ZSCAN5A: variants seen among roughly 807,000 people sequenced by gnomAD.
ZSCAN5A encodes the protein zinc finger and SCAN domain-containing protein 5A.
A neutral mutation model predicts 23.7 loss-of-function variants in ZSCAN5A; 12 were observed. The observed-to-expected ratio is 0.51, with a 90% CI of 0.32 to 0.82. ZSCAN5A has a LOEUF of 0.82. Ranked by LOEUF, ZSCAN5A falls within the 40% of genes least tolerant of loss-of-function variation. The probability of loss-of-function intolerance (pLI) is 0.03; values close to 1 mark genes in which losing one functional copy is unlikely to be tolerated. For missense variants in ZSCAN5A, 597 were observed against 617.9 expected (o/e 0.97, Z 0.36); for synonymous variants, 257 against 239.9 (o/e 1.07, Z -0.66).
chr19:56,259,707 C>A (rs1020497143), intron 2 of ZSCAN5A, among the ~76,000 whole-genome samples: 2 of 152,252 alleles, frequency 1.3e-5, no homozygotes, highest in Non-Finnish European at 2.9e-5. Context: ...GGCACGGTGG[C>A]CCACGCCTGT....
intron 2 of ZSCAN5A, among the ~76,000 whole-genome samples, chr19:56,293,092 A>G (rs1568709322): frequency 6.6e-6 from 1 of 151,770 alleles, no homozygotes; most frequent in African/African-American, 2.4e-5. Context: ...CCACCTCCAA[A>G]CCCCACTTCT....
chr19:56,224,988 A>G lies in ZSCAN5A; in HGVS notation c.59T>C (p.Leu20Ser), dbSNP rs781673650. 9 of 1,613,936 alleles carry G rather than the reference A, an allele frequency of 5.6e-6. No individual in the cohort carries two copies. The highest frequency in any genetic ancestry group is 4.4e-5 in the South Asian group (4 of 91,064). ...GGATGCCATAGACCGTGGCAGCTCC[A>G]ACCCAGGTCTGTTGCAGGATTCTCC... ...SLGESCNRPG[L>S]ELPRSMASSE... Residue 20 changes from leucine to serine, a missense_variant, in exon 3 of 6, where the codon TTG becomes TCG. Leu to Ser is a moderately radical substitution (Grantham distance 145). This residue lies in a region of ZSCAN5A where 72 missense variants were observed against 76.8 expected (regional missense o/e 0.94). Transcript: ENST00000683990.
At chr19:56,364,570 A>G (rs1388083205) in intron 1 of ZSCAN5A, among the ~76,000 whole-genome samples, 1 of 152,208 alleles carries the variant, frequency 6.6e-6, no homozygotes, top group African/African-American at 2.4e-5. Context: ...TTAAACACAC[A>G]ACTATCCCAT....
At chr19:56,246,743 G>C in intron 2 of ZSCAN5A, 1 of 1,435,500 alleles carries the variant, frequency 7.0e-7, no homozygotes, top group Non-Finnish European at 9.8e-7. Flanking sequence ...GGTGTGGTGG[G>C]AGCAAAGGAG....
chr19:56,243,811 C>A (rs1233723280), intron 2 of ZSCAN5A, among the ~76,000 whole-genome samples: 1 of 151,926 alleles, frequency 6.6e-6, no homozygotes, highest in Admixed American at 6.6e-5. Context: ...TTCCACTGTG[C>A]TGAATTCGAT....
chr19:56,294,854 T>G (rs1262448659), intron 2 of ZSCAN5A, among the ~76,000 whole-genome samples: 1 of 152,204 alleles, frequency 6.6e-6, no homozygotes, highest in East Asian at 1.9e-4. Flanking sequence ...GAAAACACAG[T>G]GCTCAGTCAA....
At chr19:56,331,833 G>A (rs138655277) in intron 2 of ZSCAN5A, among the ~76,000 whole-genome samples, 13 of 151,952 alleles carry the variant, frequency 8.6e-5, no homozygotes, top group African/African-American at 1.9e-4. Flanking sequence ...TGGTCCACCC[G>A]CCTCGGCCTC....
chr19:56,298,978 C>T (rs187547136), intron 2 of ZSCAN5A, among the ~76,000 whole-genome samples: 9 of 152,266 alleles, frequency 5.9e-5, no homozygotes, highest in Admixed American at 4.6e-4. Flanking sequence ...ACATGTTAAA[C>T]AATCATGACT....
intron 2 of ZSCAN5A, among the ~76,000 whole-genome samples, chr19:56,230,922 T>G (rs1274854796): frequency 6.6e-6 from 1 of 152,220 alleles, no homozygotes; most frequent in Non-Finnish European, 1.5e-5. Flanking sequence ...GAATATCTCA[T>G]GTCGTTTATT....
chr19:56,270,612 T>C (rs1252916300), intron 2 of ZSCAN5A, among the ~76,000 whole-genome samples: 1 of 152,228 alleles, frequency 6.6e-6, no homozygotes, highest in Non-Finnish European at 1.5e-5. Flanking sequence ...GTAAAATTCC[T>C]CATTTTAGCT....
At chr19:56,274,774 G>C (rs1280816806) in intron 2 of ZSCAN5A, 1 of 151,660 alleles carries the variant, frequency 6.6e-6, no homozygotes, top group Admixed American at 6.6e-5. Flanking sequence ...TTTTTGTTTT[G>C]TTTTGTTTTG....
At chr19:56,304,294 G>A (rs1243480092) in intron 2 of ZSCAN5A, among the ~76,000 whole-genome samples, 1 of 152,222 alleles carries the variant, frequency 6.6e-6, no homozygotes, top group Non-Finnish European at 1.5e-5. Flanking sequence ...AGACCAGGGA[G>A]ATGAGCCTGA....
intron 2 of ZSCAN5A, chr19:56,338,624 A>T (rs576702645): frequency 6.6e-6 from 1 of 152,348 alleles, no homozygotes; most frequent in South Asian, 2.1e-4. Flanking sequence ...ACAGTGATAG[A>T]GCCCCCATTA....
intron 2 of ZSCAN5A, among the ~76,000 whole-genome samples, chr19:56,327,542 A>T (rs1329920666): frequency 6.6e-6 from 1 of 150,924 alleles, no homozygotes; most frequent in Non-Finnish European, 1.5e-5. Context: ...ATTGAATATA[A>T]ATATGCACAT....
chr19:56,302,960 C>T (rs540464635), intron 2 of ZSCAN5A: 49 of 398,082 alleles, frequency 1.2e-4, no homozygotes, highest in African/African-American at 8.6e-4. Context: ...ACCAGATCAC[C>T]GAGTGGTAGC....
At chr19:56,222,436 CT>C (rs2033355277) in intron 5 of ZSCAN5A, 110 bp from the exon 6 acceptor site, 1 of 1,562,416 alleles carries the variant, frequency 6.4e-7, no homozygotes, top group African/African-American at 1.4e-5. Flanking sequence ...AAGCTCAAGC[CT>C]AAGACATTGG....
intron 2 of ZSCAN5A, chr19:56,297,549 T>C (rs2039960537): frequency 1.0e-6 from 1 of 983,596 alleles, no homozygotes; most frequent in Non-Finnish European, 1.2e-6. Flanking sequence ...CTTGGGGTCG[T>C]ACCATTCCTC....
chr19:56,337,343 G>T (rs2041548961), intron 2 of ZSCAN5A, among the ~76,000 whole-genome samples: 1 of 152,234 alleles, frequency 6.6e-6, no homozygotes. Flanking sequence ...TGCTGTGCTA[G>T]CAATGAGCGA....
chr19:56,222,866 A>C lies in ZSCAN5A; in HGVS notation c.589-125T>G, dbSNP rs560346493. The stretch of plus-strand genomic sequence containing the variant: ...GACACAGGTGTGGAAATACGTGCAG[A>C]CTTCCCCTGGACCACCCCATCACCC... On this transcript the variant is annotated intron_variant, in intron 4 of 5. Coordinates refer to ENST00000683990, the MANE Select transcript of ZSCAN5A (RefSeq NM_001322064.3). 5 of 1,352,488 alleles carry C rather than the reference A, an allele frequency of 3.7e-6. No individual in the cohort carries two copies. In the African/African-American group the frequency reaches 7.3e-5, roughly 20 times the overall value. The allele number at this position is 1,352,488 out of a possible 1,614,324, so 83.8% of individuals were successfully genotyped here.
Sources: gnomAD v4.1 joint callset for allele counts (sites outside exome capture counted in the v4.1 genomes callset) on GRCh38, gnomAD v4.1.1 for gene constraint, gnomAD v4.1.1 regional missense constraint, MANE v1.5 for transcripts, NCBI Gene and HGNC (gene_info 2026-07-23, HGNC 2026-07-21) for gene names.